The following KALRN variants were observed in gnomAD, a reference collection of about 807,000 sequenced individuals.
The protein encoded by KALRN is kalirin.
KALRN carries 70 observed loss-of-function variants against 353.7 expected under a neutral mutation model. The ratio of observed to expected loss-of-function variants is 0.20; its 90% CI spans 0.16 to 0.24. KALRN has a LOEUF of 0.24. KALRN is among the 10% of genes least tolerant of loss of function. The probability of loss-of-function intolerance (pLI) is 1.00; values close to 1 mark genes in which losing one functional copy is unlikely to be tolerated. For synonymous variants in KALRN, 1,391 were observed against 1,434.8 expected, an observed-to-expected ratio of 0.97 and a Z score of 0.69; for missense variants, 2,791 against 3,756.7, an observed-to-expected ratio of 0.74 and a Z score of 6.72.
At chr3:124,145,127 G>T (rs1193933899) in intron 1 of KALRN, among the ~76,000 whole-genome samples, 1 of 152,138 alleles carries the variant, frequency 6.6e-6, no homozygotes, top group East Asian at 1.9e-4. Context: ...GGGAAAAGAT[G>T]CCCAGCAGCT....
intron 57 of KALRN, among the ~76,000 whole-genome samples, chr3:124,710,155 C>T (rs939602804): frequency 1.3e-5 from 2 of 152,212 alleles, no homozygotes; most frequent in African/African-American, 4.8e-5. Context: ...TTCCCATGCA[C>T]TCTTTGTCAG....
At chr3:124,572,581 A>G (rs996123996) in intron 34 of KALRN, among the ~76,000 whole-genome samples, 3 of 152,192 alleles carry the variant, frequency 2.0e-5, no homozygotes, top group Non-Finnish European at 4.4e-5. Flanking sequence ...TTCCACATTT[A>G]TGCAAAAGGA....
intron 1 of KALRN, among the ~76,000 whole-genome samples, chr3:124,053,722 G>T (rs1278239878): frequency 6.6e-6 from 1 of 152,234 alleles, no homozygotes; most frequent in Admixed American, 6.5e-5. Flanking sequence ...TATATGTGCT[G>T]TGTGCATGCA....
intron 34 of KALRN, 28 bp from the exon 35 acceptor site, chr3:124,632,392 C>T (rs779867880): frequency 6.2e-7 from 1 of 1,609,322 alleles, no homozygotes; most frequent in Non-Finnish European, 8.5e-7. Flanking sequence ...CCACCTCTGA[C>T]ATGGCTGTGT....
At chr3:124,160,767 C>A (rs1460494957) in intron 1 of KALRN, among the ~76,000 whole-genome samples, 1 of 152,162 alleles carries the variant, frequency 6.6e-6, no homozygotes, top group East Asian at 1.9e-4. Context: ...CTCTGGATCC[C>A]TGCATGGTCA....
intron 55 of KALRN, among the ~76,000 whole-genome samples, chr3:124,698,180 G>A (rs1363727788): frequency 6.6e-6 from 1 of 152,134 alleles, no homozygotes; most frequent in East Asian, 1.9e-4. Flanking sequence ...TGCTGCCCAG[G>A]CTGCTGGCTG....
intron 19 of KALRN, among the ~76,000 whole-genome samples, chr3:124,443,967 TA>T (rs1376770900): frequency 6.6e-6 from 1 of 152,206 alleles, no homozygotes; most frequent in Non-Finnish European, 1.5e-5. Flanking sequence ...TACAATCCCT[TA>T]TATATCAGTT....
intron 34 of KALRN, among the ~76,000 whole-genome samples, chr3:124,581,035 TG>T (rs2074582291): frequency 6.6e-6 from 1 of 152,112 alleles, no homozygotes; most frequent in African/African-American, 2.4e-5. Context: ...CTGGAAGGCA[TG>T]TAAGGATGGC....
intron 1 of KALRN, among the ~76,000 whole-genome samples, chr3:124,180,036 C>A (rs2073359183): frequency 6.6e-6 from 1 of 152,176 alleles, no homozygotes. Context: ...GTCCACTAAC[C>A]ATAATCATTG....
chr3:124,465,377 G>A (rs1321300672), intron 25 of KALRN, among the ~76,000 whole-genome samples: 1 of 152,012 alleles, frequency 6.6e-6, no homozygotes, highest in Non-Finnish European at 1.5e-5. Flanking sequence ...ATATTTGTTT[G>A]GTAGGTGAAT....
rs532667080 is a variant in KALRN at position 124,310,138 on chromosome 3, T to C, written c.1092+11225T>C. Reference sequence around the variant, plus strand: ...GCACTTAAAATAAATAATTTGAAAATGGAAATAGGAAAAAAATTCCATTTA... The same window carrying C: ...GCACTTAAAATAAATAATTTGAAAACGGAAATAGGAAAAAAATTCCATTTA... On this transcript the variant is annotated intron_variant, in intron 6 of 59. Coordinates refer to ENST00000682506, the MANE Select transcript of KALRN (RefSeq NM_001388419.1). 2.0e-5 allele frequency among the ~76,000 whole-genome samples: 3 copies of C among 151,748 alleles called. No individual in the cohort carries two copies. In the South Asian group the frequency reaches 6.2e-4, roughly 32 times the overall value.
rs1423503165 is a variant in KALRN at position 124,511,843 on chromosome 3, T to C, written c.4935+15430T>C. On this transcript the variant is annotated intron_variant, in intron 33 of 59. Coordinates refer to ENST00000682506, the MANE Select transcript of KALRN (RefSeq NM_001388419.1). ...CTCAGGAAAGTATTCCTGGAACACATCTTCATCATTAGAGTGATTACTGGA... is the reference window on the plus strand; with the variant it reads ...CTCAGGAAAGTATTCCTGGAACACACCTTCATCATTAGAGTGATTACTGGA... Among the ~76,000 whole-genome samples, 4 of 152,186 alleles carry C rather than the reference T, an allele frequency of 2.6e-5. No homozygotes were observed. The South Asian group carries it at 8.3e-4, about 32-fold the overall frequency.
At chr3:124,627,031 CT>C (rs761286786) in intron 34 of KALRN, among the ~76,000 whole-genome samples, 3 of 152,196 alleles carry the variant, frequency 2.0e-5, no homozygotes, top group Non-Finnish European at 4.4e-5. Flanking sequence ...TGTCACTTAG[CT>C]GTTTTATCTA....
chr3:124,441,942 C>A lies in KALRN; in HGVS notation c.3199-3C>A. On this transcript the variant is annotated splice_polypyrimidine_tract_variant and splice_region_variant and intron_variant, in intron 18 of 59. Transcript: ENST00000682506. The stretch of plus-strand genomic sequence containing the variant: ...AGGGGCCTCACAGCTTTGTCTTTCG[C>A]AGGCCTGCACCCTGGCTCGGCGGAA... 1 of 1,554,140 alleles carries A rather than the reference C, an allele frequency of 6.4e-7. No individual in the cohort carries two copies. Among genetic ancestry groups the A allele is most frequent in the Non-Finnish European group, 8.8e-7 (1 of 1,141,232 alleles).
At chr3:124,329,153 G>A (rs750222650) in intron 7 of KALRN, among the ~76,000 whole-genome samples, 2 of 152,164 alleles carry the variant, frequency 1.3e-5, no homozygotes, top group African/African-American at 4.8e-5. Context: ...CCCTTTGTGC[G>A]TGAAGACCCA....
At chr3:124,454,904 C>T (rs953218254) in intron 21 of KALRN, among the ~76,000 whole-genome samples, 1 of 152,176 alleles carries the variant, frequency 6.6e-6, no homozygotes, top group African/African-American at 2.4e-5. Context: ...ATTTTGGTAT[C>T]CATGGGGGGC....
intron 11 of KALRN, among the ~76,000 whole-genome samples, chr3:124,391,696 A>G (rs780904773): frequency 5.3e-5 from 8 of 152,228 alleles, no homozygotes; most frequent in South Asian, 2.1e-4. Context: ...TTTTATTTCT[A>G]TCTACCTTAT....
At chr3:124,222,478 G>A (rs2078025956) in intron 1 of KALRN, among the ~76,000 whole-genome samples, 1 of 152,218 alleles carries the variant, frequency 6.6e-6, no homozygotes, top group African/African-American at 2.4e-5. Flanking sequence ...TCCTGTTTAG[G>A]CCAGGCTACA....
At chr3:124,664,471 C>T (rs1314199593) in intron 45 of KALRN, among the ~76,000 whole-genome samples, 4 of 150,752 alleles carry the variant, frequency 2.7e-5, no homozygotes, top group Non-Finnish European at 4.4e-5. Flanking sequence ...AGTACAGTGG[C>T]ATGATCTCAG....
Sources: gnomAD v4.1 joint callset for allele counts (sites outside exome capture counted in the v4.1 genomes callset) on GRCh38, gnomAD v4.1.1 for gene constraint, MANE v1.5 for transcripts, NCBI Gene and HGNC (gene_info 2026-07-23, HGNC 2026-07-21) for gene names.